MICAL2: variants seen among roughly 807,000 people sequenced by gnomAD.
MICAL2 encodes the protein [F-actin]-monooxygenase MICAL2.
A neutral mutation model predicts 127.3 loss-of-function variants in MICAL2; 77 were observed. The ratio of observed to expected loss-of-function variants is 0.60; its 90% confidence interval spans 0.50 to 0.73. The LOEUF (loss-of-function observed/expected upper bound fraction) is 0.73, where lower values mean the gene tolerates loss of function less well. Ranked by LOEUF, MICAL2 falls within the 30% of genes least tolerant of loss-of-function variation. The pLI is 0.00. For missense variants in MICAL2, 1,351 were observed against 1,434.4 expected, an observed-to-expected ratio of 0.94 and a Z score of 0.94; for synonymous variants, 570 against 551.1, an observed-to-expected ratio of 1.03 and a Z score of -0.48.
At chr11:12,342,683 T>C (rs1448729664) in intron 32 of MICAL2, among the ~76,000 whole-genome samples, 1 of 152,244 alleles carries the variant, frequency 6.6e-6, no homozygotes, top group Non-Finnish European at 1.5e-5. Context: ...GCATTTGACA[T>C]GCGTCAGCTC....
rs956858708 is a variant in MICAL2 at position 12,236,119 on chromosome 11, G to C, written c.1996-58G>C. On this transcript the variant is annotated intron_variant, in intron 15 of 27. Coordinates refer to ENST00000683283, the MANE Select transcript of MICAL2 (RefSeq NM_001282663.2). ...CAGCCCTATGCCCTCAGGGATCTTAGTGGGACTGAAGCCCTTGGTGGCCCC... is the reference window on the plus strand; with the variant it reads ...CAGCCCTATGCCCTCAGGGATCTTACTGGGACTGAAGCCCTTGGTGGCCCC... 38 of 1,464,550 alleles carry C rather than the reference G, an allele frequency of 2.6e-5. No individual in the cohort carries two copies. In the Admixed American group the frequency reaches 5.9e-4, roughly 23 times the overall value. The allele number at this position is 1,464,550 out of a possible 1,614,324, so 90.7% of individuals were successfully genotyped here.
At chr11:12,203,492 G>A (rs1483462166) in intron 3 of MICAL2, among the ~76,000 whole-genome samples, 1 of 152,170 alleles carries the variant, frequency 6.6e-6, no homozygotes, top group Non-Finnish European at 1.5e-5. Context: ...GCTTTAATTT[G>A]TGTTTCCCTG....
At chr11:12,242,862 C>T in intron 20 of MICAL2, 90 bp downstream of exon 20, 3 of 859,334 alleles carry the variant, frequency 3.5e-6, no homozygotes, top group Non-Finnish European at 5.3e-6. Context: ...CAATTTTCTC[C>T]TCCTTCCTCC....
intron 15 of MICAL2, 59 bp downstream of exon 15, chr11:12,227,190 A>G: frequency 8.2e-7 from 1 of 1,225,824 alleles, no homozygotes; most frequent in East Asian, 2.4e-5. Flanking sequence ...GGTATGAGGA[A>G]CGGAGATTGT....
At chr11:12,304,059 AATG>A (rs1160388763) in intron 29 of MICAL2, among the ~76,000 whole-genome samples, 1 of 152,202 alleles carries the variant, frequency 6.6e-6, no homozygotes, top group Non-Finnish European at 1.5e-5. Flanking sequence ...AAAAAGTTGA[AATG>A]ATATGATTTT....
rs772855570 is a variant in MICAL2, at chr11:12,216,246, A to G, written c.875A>G (p.Tyr292Cys). The change falls in exon 8 of 28, where the codon TAC (tyrosine) becomes TGC (cysteine). Residue 292 changes from tyrosine to cysteine, a missense_variant. Tyr to Cys is a radical substitution (Grantham distance 194). Transcript: ENST00000683283. Reference sequence around the variant, plus strand: ...ATAGATCTTGAGAACATTGTTTACTACAAGGACTGCACCCACTATTTTGTA... The same window carrying G: ...ATAGATCTTGAGAACATTGTTTACTGCAAGGACTGCACCCACTATTTTGTA... ...TGIDLENIVY[Y>C]KDCTHYFVMT... The G allele has an allele frequency of 3.1e-6, 5 of 1,613,764 alleles. No homozygotes were observed. Among genetic ancestry groups the G allele is most frequent in the Non-Finnish European group, 4.2e-6 (5 of 1,179,642 alleles).
At chr11:12,163,891 T>G (rs1855151542) in intron 3 of MICAL2, 1 of 152,062 alleles carries the variant, frequency 6.6e-6, no homozygotes, top group Non-Finnish European at 1.5e-5. Context: ...TTTTTAAAGG[T>G]CCCATAAAAG....
intron 32 of MICAL2, among the ~76,000 whole-genome samples, chr11:12,347,527 A>G (rs980477090): frequency 3.3e-5 from 5 of 152,342 alleles, no homozygotes; most frequent in African/African-American, 1.2e-4. Context: ...CAAGCTCTGC[A>G]TTCTAGCACC....
downstream of MICAL2, among the ~76,000 whole-genome samples, chr11:12,292,752 C>T (rs571624639): frequency 3.3e-5 from 5 of 152,326 alleles, no homozygotes; most frequent in African/African-American, 1.2e-4. Flanking sequence ...CTCTTTCCTT[C>T]TGTATGTATT....
At chr11:12,355,955 ATT>A (rs11313148) in intron 34 of MICAL2, among the ~76,000 whole-genome samples, 8 of 151,806 alleles carry the variant, frequency 5.3e-5, no homozygotes, top group African/African-American at 1.5e-4. Context: ...CTGAGAGAGG[ATT>A]TTTTTTTTAT....
At chr11:12,237,832 T>C (rs539587736) in intron 16 of MICAL2, among the ~76,000 whole-genome samples, 1 of 152,346 alleles carries the variant, frequency 6.6e-6, no homozygotes, top group East Asian at 1.9e-4. Flanking sequence ...AAATCTGCTT[T>C]TGAGGATTGA....
In MICAL2 at chr11:12,227,147, G is replaced by T; in HGVS notation, c.1995+16G>T. 1.3e-6 allele frequency: 2 copies of T among 1,580,928 alleles called. No homozygotes were observed. The highest frequency in any genetic ancestry group is 1.7e-6 in the Non-Finnish European group (2 of 1,150,946). On this transcript the variant is annotated intron_variant, in intron 15 of 27. Transcript: ENST00000683283. ...GACTCCACGGGTAAGTTTTGGCCTG[G>T]TTTCGGTTTTATTTCCCATTGCACA...
At chr11:12,179,339 C>A (rs958509147) in intron 3 of MICAL2, among the ~76,000 whole-genome samples, 1 of 152,160 alleles carries the variant, frequency 6.6e-6, no homozygotes, top group South Asian at 2.1e-4. Flanking sequence ...GATCCTCCAC[C>A]TTTGCAGCTC....
At chr11:12,277,136 C>A (rs554527858) in intron 1 of MICAL2, among the ~76,000 whole-genome samples, 1 of 151,970 alleles carries the variant, frequency 6.6e-6, no homozygotes, top group East Asian at 1.9e-4. Context: ...GGTGGGCTCG[C>A]CTGTGTGTTT....
intron 4 of MICAL2, among the ~76,000 whole-genome samples, chr11:12,206,313 G>C (rs1854676898): frequency 6.6e-6 from 1 of 152,146 alleles, no homozygotes; most frequent in South Asian, 2.1e-4. Flanking sequence ...GGCTTTCATT[G>C]AACCCCTAGT....
intron 3 of MICAL2, among the ~76,000 whole-genome samples, chr11:12,183,565 G>T (rs981212272): frequency 2.6e-5 from 4 of 152,140 alleles, no homozygotes; most frequent in African/African-American, 9.7e-5. Context: ...AAATATCACT[G>T]GTAGGATGCT....
chr11:12,319,766 C>T, exon 30 of MICAL2: 1 of 1,614,156 alleles, frequency 6.2e-7, no homozygotes, highest in Non-Finnish European at 8.5e-7. Flanking sequence ...CCTCCTCCTC[C>T]TCTGCAGATG....
intron 1 of MICAL2, among the ~76,000 whole-genome samples, chr11:12,278,349 C>A (rs1425038408): frequency 6.6e-6 from 1 of 152,108 alleles, no homozygotes; most frequent in Non-Finnish European, 1.5e-5. Flanking sequence ...TTATTCTTTA[C>A]TTCTTAACTG....
intron 32 of MICAL2, among the ~76,000 whole-genome samples, chr11:12,328,136 G>GAACT: frequency 6.6e-6 from 1 of 152,250 alleles, no homozygotes; most frequent in South Asian, 2.1e-4. Context: ...TCAGCTTCTT[G>GAACT]GATTCAAACA....
Sources: gnomAD v4.1 joint callset for allele counts (sites outside exome capture counted in the v4.1 genomes callset) on GRCh38, gnomAD v4.1.1 for gene constraint, MANE v1.5 for transcripts, NCBI Gene and HGNC (gene_info 2026-07-23, HGNC 2026-07-21) for gene names.